Variants in FOXP2 observed in about 807,000 individuals in gnomAD.
The protein encoded by FOXP2 is forkhead box P2.
FOXP2 carries 12 observed loss-of-function variants against 115.8 expected under a neutral mutation model. The ratio of observed to expected loss-of-function variants is 0.10; its 90% CI spans 0.07 to 0.17. The LOEUF (loss-of-function observed/expected upper bound fraction) is 0.17. FOXP2 is among the 10% of genes least tolerant of loss of function. FOXP2 has a pLI of 1.00. For missense variants in FOXP2, 629 were observed against 843.5 expected (o/e 0.75, Z 3.15); for synonymous variants, 328 against 297.7 (o/e 1.10, Z -1.05).
intron 16 of FOXP2, among the ~76,000 whole-genome samples, chr7:114,685,666 T>C (rs1231924896): frequency 2.0e-5 from 3 of 152,192 alleles, no homozygotes. Context: ...AGTAGCAACA[T>C]TTGGGAAATT....
At chr7:114,148,334 A>AT (rs1792435229) in intron 1 of FOXP2, among the ~76,000 whole-genome samples, 2 of 152,038 alleles carry the variant, frequency 1.3e-5, no homozygotes, top group African/African-American at 4.8e-5. Flanking sequence ...AACATGATTT[A>AT]TTTTTTCTTT....
At chr7:114,093,511 T>TG (rs1186626852) in intron 1 of FOXP2, among the ~76,000 whole-genome samples, 1 of 152,180 alleles carries the variant, frequency 6.6e-6, no homozygotes, top group Non-Finnish European at 1.5e-5. Context: ...GAACAGTGCC[T>TG]GGCACTTGGG....
intron 2 of FOXP2, among the ~76,000 whole-genome samples, chr7:114,512,008 A>G (rs1798101100): frequency 6.6e-6 from 1 of 152,184 alleles, no homozygotes; most frequent in Non-Finnish European, 1.5e-5. Context: ...ACTATATGTC[A>G]TTATTATTCA....
At chr7:114,272,104 G>T in intron 1 of FOXP2, among the ~76,000 whole-genome samples, 1 of 145,706 alleles carries the variant, frequency 6.9e-6, no homozygotes, top group Admixed American at 7.1e-5. Flanking sequence ...AATCATGAAT[G>T]GATGTTGGAT....
intron 2 of FOXP2, among the ~76,000 whole-genome samples, chr7:114,376,669 TGAG>T (rs1792144848): frequency 6.6e-6 from 1 of 152,124 alleles, no homozygotes; most frequent in Non-Finnish European, 1.5e-5. Context: ...GGAGGGTAAC[TGAG>T]GAGATGGACA....
chr7:114,318,622 A>T (rs1797333628), intron 2 of FOXP2, among the ~76,000 whole-genome samples: 1 of 151,758 alleles, frequency 6.6e-6, no homozygotes, highest in African/African-American at 2.4e-5. Flanking sequence ...CAGTTACTCA[A>T]ATACATTAAA....
chr7:114,130,715 T>G (rs1270679428), intron 1 of FOXP2, among the ~76,000 whole-genome samples: 1 of 152,168 alleles, frequency 6.6e-6, no homozygotes, highest in East Asian at 1.9e-4. Flanking sequence ...ATTAAAATAT[T>G]TTCATAAATC....
chr7:114,271,257 G>A (rs1281361676), intron 1 of FOXP2, among the ~76,000 whole-genome samples: 2 of 151,166 alleles, frequency 1.3e-5, no homozygotes, highest in South Asian at 4.2e-4. Context: ...TTCCCAATAT[G>A]TATACTTTTT....
At chr7:114,539,168 T>G (rs1263265016) in intron 3 of FOXP2, among the ~76,000 whole-genome samples, 3 of 151,862 alleles carry the variant, frequency 2.0e-5, no homozygotes, top group Non-Finnish European at 4.4e-5. Context: ...CCATATCATA[T>G]GTAAAAAATC....
Position 114,652,326 on chromosome 7 carries a change from A to C in FOXP2, c.1182+36A>C, listed in dbSNP as rs766390016. Reference sequence around the variant, plus strand: ...TGCTCACTTAATGGACTCTTCTTAGATTTCTGGTGTGTTACATTGAGTACT... The same window carrying C: ...TGCTCACTTAATGGACTCTTCTTAGCTTTCTGGTGTGTTACATTGAGTACT... On this transcript the variant is annotated intron_variant, in intron 9 of 16. Coordinates refer to ENST00000350908, the MANE Select transcript of FOXP2 (RefSeq NM_014491.4). The C allele has an allele frequency of 6.9e-6, 11 of 1,589,720 alleles. No individual in the cohort carries two copies. The Admixed American group carries it at 1.9e-4, about 27-fold the overall frequency.
chr7:114,682,079 T>A lies in FOXP2; in HGVS notation c.2004-7703T>A, dbSNP rs1054097378. ...TGTTTTACATATATGCAAAATAATT[T>A]AACCCTTATAACGAGTGTATAAGGT... On this transcript the variant is annotated intron_variant, in intron 16 of 16. Transcript: ENST00000350908. 5.9e-5 allele frequency among the ~76,000 whole-genome samples: 9 copies of A among 152,274 alleles called. No individual in the cohort carries two copies. The South Asian group carries it at 1.7e-3, about 28-fold the overall frequency.
At chr7:114,234,030 A>C (rs907362136) in intron 1 of FOXP2, among the ~76,000 whole-genome samples, 21 of 152,152 alleles carry the variant, frequency 1.4e-4, no homozygotes, top group Admixed American at 3.9e-4. Flanking sequence ...AAACAAAAAA[A>C]CTACAGAAGA....
At chr7:114,400,191 TTTG>T (rs551732873) in intron 2 of FOXP2, among the ~76,000 whole-genome samples, 15 of 151,924 alleles carry the variant, frequency 9.9e-5, no homozygotes, top group Non-Finnish European at 1.3e-4. Flanking sequence ...ATTTATGTTT[TTTG>T]TTGTTGTTGT....
chr7:114,168,303 A>T (rs1221918654), intron 1 of FOXP2, among the ~76,000 whole-genome samples: 2 of 152,170 alleles, frequency 1.3e-5, no homozygotes, highest in Non-Finnish European at 2.9e-5. Context: ...CTTCCTAAAG[A>T]CTTTTTGAAT....
At chr7:114,464,906 G>T (rs917221306) in intron 2 of FOXP2, among the ~76,000 whole-genome samples, 1 of 152,058 alleles carries the variant, frequency 6.6e-6, no homozygotes, top group Non-Finnish European at 1.5e-5. Context: ...CATCTTCCAT[G>T]CCCACACCTT....
intron 3 of FOXP2, among the ~76,000 whole-genome samples, chr7:114,614,937 T>C (rs2129320039): frequency 6.6e-6 from 1 of 152,152 alleles, no homozygotes; most frequent in South Asian, 2.1e-4. Flanking sequence ...AAATAAAACT[T>C]TGGCTGGGCG....
chr7:114,664,551 G>C, intron 16 of FOXP2, 115 bp downstream of exon 16: 2 of 1,265,494 alleles, frequency 1.6e-6, no homozygotes, highest in Non-Finnish European at 2.2e-6. Flanking sequence ...AAATTTAAGT[G>C]GAGTTAAATT....
chr7:114,560,681 G>A (rs749070756), intron 3 of FOXP2, among the ~76,000 whole-genome samples: 5 of 152,082 alleles, frequency 3.3e-5, no homozygotes, highest in Admixed American at 6.5e-5. Context: ...ACTTAAGTTT[G>A]CAAACAATGA....
chr7:114,627,083 T>A (rs985830510), intron 3 of FOXP2, among the ~76,000 whole-genome samples: 1 of 151,680 alleles, frequency 6.6e-6, no homozygotes, highest in Non-Finnish European at 1.5e-5. Context: ...ATATGAAAGG[T>A]TTTGATTTAT....
Sources: gnomAD v4.1 joint callset for allele counts (sites outside exome capture counted in the v4.1 genomes callset) on GRCh38, gnomAD v4.1.1 for gene constraint, MANE v1.5 for transcripts, NCBI Gene and HGNC (gene_info 2026-07-23, HGNC 2026-07-21) for gene names.